Variants in MAPRE2 observed in about 807,000 individuals in gnomAD.
The protein encoded by MAPRE2 is microtubule-associated protein RP/EB family member 2.
MAPRE2 carries 13 observed loss-of-function variants against 43.2 expected under a neutral mutation model. The ratio of observed to expected loss-of-function variants is 0.30; its 90% CI spans 0.20 to 0.48. The LOEUF is 0.48. Among genes scored for constraint, MAPRE2 ranks in the 20% least tolerant of loss-of-function variants. The probability of loss-of-function intolerance (pLI) is 0.99; values close to 1 mark genes in which losing one functional copy is unlikely to be tolerated. For synonymous variants in MAPRE2, 135 were observed against 148.8 expected, an observed-to-expected ratio of 0.91 and a Z score of 0.68; for missense variants, 161 against 400.2, an observed-to-expected ratio of 0.40 and a Z score of 5.10.
At chr18:35,075,582 A>G (rs144255878) in intron 2 of MAPRE2, among the ~76,000 whole-genome samples, 90 of 152,332 alleles carry the variant, frequency 5.9e-4, no homozygotes, top group Non-Finnish European at 9.3e-4. Flanking sequence ...CTTAGATTAT[A>G]TTACTATTGT....
chr18:35,078,803 T>G (rs1907494496), intron 2 of MAPRE2, among the ~76,000 whole-genome samples: 1 of 152,194 alleles, frequency 6.6e-6, no homozygotes, highest in African/African-American at 2.4e-5. Flanking sequence ...TATCTGGTAA[T>G]TCTACTAATG....
intron 1 of MAPRE2, among the ~76,000 whole-genome samples, chr18:35,001,348 AC>A (rs2097029224): frequency 6.6e-6 from 1 of 152,106 alleles, no homozygotes; most frequent in African/African-American, 2.4e-5. Flanking sequence ...CCCCATCACT[AC>A]TAAAAAAATA....
At chr18:35,138,960 G>A (rs518111) in intron 6 of MAPRE2, among the ~76,000 whole-genome samples, 62,001 of 151,928 alleles carry the variant, frequency 0.41, 16,399 homozygotes, top group African/African-American at 0.75. Flanking sequence ...CTCTCAACAC[G>A]ACATGGATTG....
At chr18:35,004,895 G>A (rs1418033808) in intron 1 of MAPRE2, among the ~76,000 whole-genome samples, 1 of 150,724 alleles carries the variant, frequency 6.6e-6, no homozygotes, top group Non-Finnish European at 1.5e-5. Context: ...TCCAGCCTGG[G>A]CGACAGAGCG....
chr18:35,139,578 C>G (rs1306705979), intron 6 of MAPRE2, among the ~76,000 whole-genome samples: 3 of 152,126 alleles, frequency 2.0e-5, no homozygotes, highest in Non-Finnish European at 4.4e-5. Flanking sequence ...TAACGTAAGC[C>G]AAAAGGGCCC....
At chr18:35,060,519 T>C (rs1461117061) in intron 1 of MAPRE2, among the ~76,000 whole-genome samples, 2 of 152,216 alleles carry the variant, frequency 1.3e-5, no homozygotes, top group African/African-American at 4.8e-5. Flanking sequence ...TTTTACTCTC[T>C]CATTGTACAT....
At chr18:35,123,610 TA>T (rs1448395862) in intron 4 of MAPRE2, among the ~76,000 whole-genome samples, 9 of 152,116 alleles carry the variant, frequency 5.9e-5, no homozygotes, top group African/African-American at 1.9e-4. Flanking sequence ...TTACAGAAGG[TA>T]ATCTTAAGAG....
intron 1 of MAPRE2, among the ~76,000 whole-genome samples, chr18:35,055,116 GGA>G (rs1906150577): frequency 1.3e-5 from 2 of 152,282 alleles, no homozygotes; most frequent in South Asian, 4.1e-4. Flanking sequence ...ACGTTTATAT[GGA>G]TTATATTAGT....
chr18:35,052,765 A>G (rs984038568), intron 1 of MAPRE2, among the ~76,000 whole-genome samples: 11 of 152,154 alleles, frequency 7.2e-5, no homozygotes, highest in African/African-American at 2.2e-4. Flanking sequence ...ATGGATGTAG[A>G]ATGGTATCTC....
At chr18:34,995,624 G>A (rs2097026112) in intron 1 of MAPRE2, among the ~76,000 whole-genome samples, 1 of 152,162 alleles carries the variant, frequency 6.6e-6, no homozygotes, top group South Asian at 2.1e-4. Flanking sequence ...AATAATTGCA[G>A]GAAGGAGGAG....
intron 2 of MAPRE2, among the ~76,000 whole-genome samples, chr18:35,072,723 G>A (rs1200954254): frequency 2.0e-5 from 3 of 152,134 alleles, no homozygotes; most frequent in African/African-American, 7.2e-5. Flanking sequence ...AAGCATTGGT[G>A]TACATTTATG....
At chr18:35,036,147 A>G (rs2097050461) in intron 2 of MAPRE2, among the ~76,000 whole-genome samples, 1 of 151,810 alleles carries the variant, frequency 6.6e-6, no homozygotes, top group Non-Finnish European at 1.5e-5. Flanking sequence ...TGGCCACTCA[A>G]GCCATACACT....
rs28595690 is a variant in MAPRE2, at chr18:35,001,446, G to A, written c.-69-4046G>A. Among the ~76,000 whole-genome samples the A allele has an allele frequency of 6.3e-3, 957 of 151,666 alleles. 9 individuals are homozygous for A. The highest frequency in any genetic ancestry group is 0.021 in the African/African-American group (879 of 41,262). On this transcript the variant is annotated intron_variant, in intron 1 of 7. Transcript: ENST00000413393. ...CGAGAATCGCTTGAACCCTGGAGACGGAAGTTGCAGTCAGCAGAGATGGAG... is the reference window on the plus strand; with the variant it reads ...CGAGAATCGCTTGAACCCTGGAGACAGAAGTTGCAGTCAGCAGAGATGGAG...
chr18:35,022,913 A>G (rs1360225109), intron 2 of MAPRE2, among the ~76,000 whole-genome samples: 9 of 152,220 alleles, frequency 5.9e-5, no homozygotes, highest in Non-Finnish European at 1.3e-4. Context: ...AACCACTAGA[A>G]TAATTAAAAC....
intron 1 of MAPRE2, among the ~76,000 whole-genome samples, chr18:35,065,846 G>A (rs1481301388): frequency 1.3e-5 from 2 of 152,168 alleles, no homozygotes; most frequent in African/African-American, 4.8e-5. Flanking sequence ...GAGCCACCGC[G>A]CCTGGCCTGC....
rs9955688 is a variant in MAPRE2, at chr18:35,057,672, G to C, written c.123-12523G>C. On this transcript the variant is annotated intron_variant, in intron 1 of 6. Transcript: ENST00000300249. ...TCCATATACAATATATACAATGATG[G>C]TATCTGGTTGCCCAAACAAGAGTAC... Among the ~76,000 whole-genome samples the C allele has an allele frequency of 1.1e-3, 169 of 152,184 alleles. 2 individuals carry two copies. The highest frequency in any genetic ancestry group is 3.1e-3 in the African/African-American group (127 of 41,506).
chr18:35,003,650 A>T (rs927972978), intron 1 of MAPRE2, among the ~76,000 whole-genome samples: 11 of 152,342 alleles, frequency 7.2e-5, no homozygotes, highest in African/African-American at 2.4e-4. Context: ...TGCTTTATAG[A>T]TAAACTAGAA....
At chr18:35,035,123 CAAT>C (rs1180897058) in intron 2 of MAPRE2, among the ~76,000 whole-genome samples, 1 of 151,858 alleles carries the variant, frequency 6.6e-6, no homozygotes, top group Non-Finnish European at 1.5e-5. Context: ...AAATGTCCAA[CAAT>C]GATAGACTGG....
intron 1 of MAPRE2, among the ~76,000 whole-genome samples, chr18:35,051,741 A>AT (rs991405727): frequency 6.6e-6 from 1 of 152,052 alleles, no homozygotes; most frequent in African/African-American, 2.4e-5. Flanking sequence ...CTAGGGCAAC[A>AT]TTTTTTTAGC....
Sources: gnomAD v4.1 joint callset for allele counts (sites outside exome capture counted in the v4.1 genomes callset) on GRCh38, gnomAD v4.1.1 for gene constraint, MANE v1.5 for transcripts, NCBI Gene and HGNC (gene_info 2026-07-23, HGNC 2026-07-21) for gene names.